The following NIBAN1 variants were observed in gnomAD, a reference collection of about 807,000 sequenced individuals.
The protein encoded by NIBAN1 is protein Niban 1.
NIBAN1 carries 81 observed loss-of-function variants against 75.1 expected under a neutral mutation model. The observed-to-expected ratio is 1.08, with a 90% confidence interval of 0.90 to 1.30. NIBAN1 has a LOEUF of 1.30. Ranked by LOEUF, NIBAN1 falls within the 50% of genes most tolerant of loss-of-function variation. The pLI, the probability that NIBAN1 is intolerant of heterozygous loss-of-function variation, is 0.00. For missense variants in NIBAN1, 1,133 were observed against 1,128.1 expected, an observed-to-expected ratio of 1.00 and a Z score of -0.06; for synonymous variants, 436 against 424.8, an observed-to-expected ratio of 1.03 and a Z score of -0.32.
intron 1 of NIBAN1, among the ~76,000 whole-genome samples, chr1:184,928,991 A>C (rs1657753520): frequency 6.6e-6 from 1 of 152,190 alleles, no homozygotes; most frequent in Non-Finnish European, 1.5e-5. Context: ...GCACACATAC[A>C]AATGAATGTA....
At chr1:184,943,118 C>T (rs1254105497) in intron 1 of NIBAN1, among the ~76,000 whole-genome samples, 1 of 152,162 alleles carries the variant, frequency 6.6e-6, no homozygotes, top group Non-Finnish European at 1.5e-5. Flanking sequence ...ACATAGTAGA[C>T]ATAAAATTCT....
chr1:184,952,908 A>G (rs1043958223), intron 1 of NIBAN1, among the ~76,000 whole-genome samples: 1 of 152,242 alleles, frequency 6.6e-6, no homozygotes, highest in Non-Finnish European at 1.5e-5. Flanking sequence ...TATGCTGTCT[A>G]TTAAGTCTGA....
At chr1:184,903,621 C>G (rs1657009866) in intron 1 of NIBAN1, among the ~76,000 whole-genome samples, 1 of 152,092 alleles carries the variant, frequency 6.6e-6, no homozygotes. Flanking sequence ...CACCTGCTCC[C>G]CCTTTGCCTT....
At chr1:184,897,277 AGTGTGTGTGTGTGTGTGT>A (rs34548568) in intron 2 of NIBAN1, among the ~76,000 whole-genome samples, 2 of 132,584 alleles carry the variant, frequency 1.5e-5, no homozygotes, top group East Asian at 2.2e-4. Flanking sequence ...TGTACTCCTA[AGTGTGTGTGTGTGTGTGT>A]GTGTGTGTGT....
intron 5 of NIBAN1, among the ~76,000 whole-genome samples, chr1:184,842,335 G>A (rs926019301): frequency 2.6e-5 from 4 of 152,128 alleles, no homozygotes; most frequent in Non-Finnish European, 5.9e-5. Flanking sequence ...ATAGGTCTGG[G>A]GCAGGGCCCA....
intron 5 of NIBAN1, among the ~76,000 whole-genome samples, chr1:184,863,990 C>T (rs891448335): frequency 3.9e-5 from 6 of 152,188 alleles, no homozygotes; most frequent in African/African-American, 1.4e-4. Flanking sequence ...TAATTGGTTG[C>T]TAGTATTGTT....
chr1:184,867,195 AACAC>A (rs149204316), intron 5 of NIBAN1, among the ~76,000 whole-genome samples: 11 of 148,040 alleles, frequency 7.4e-5, no homozygotes, highest in Non-Finnish European at 1.1e-4. Flanking sequence ...CCTACACACA[AACAC>A]ACACACACAC....
Position 184,890,241 on chromosome 1 carries a change from A to G in NIBAN1, c.319-19T>C, listed in dbSNP as rs965322117. On this transcript the variant is annotated intron_variant, in intron 3 of 13. Coordinates refer to ENST00000367511, the MANE Select transcript of NIBAN1 (RefSeq NM_052966.4). ...GATAGGCCTGGGGAGGGAAAGGCAC[A>G]CAGGAATGATATCTTTTTCCCCATT... 4 of 1,555,778 alleles carry G rather than the reference A, an allele frequency of 2.6e-6. No homozygotes were observed. In the East Asian group the frequency reaches 9.0e-5, roughly 35 times the overall value.
chr1:184,922,643 T>C (rs1470153007), intron 1 of NIBAN1, among the ~76,000 whole-genome samples: 1 of 152,160 alleles, frequency 6.6e-6, no homozygotes, highest in Non-Finnish European at 1.5e-5. Context: ...GTCTCACTCT[T>C]TCACCCAGGC....
At chr1:184,956,658 A>G (rs112095642) in intron 1 of NIBAN1, among the ~76,000 whole-genome samples, 2 of 152,338 alleles carry the variant, frequency 1.3e-5, no homozygotes, top group African/African-American at 4.8e-5. Context: ...CACAGATTTT[A>G]AAAATATTTT....
intron 6 of NIBAN1, among the ~76,000 whole-genome samples, chr1:184,824,220 G>A (rs150247237): frequency 2.3e-3 from 354 of 152,120 alleles, no homozygotes; most frequent in Non-Finnish European, 4.1e-3. Flanking sequence ...CATGCTCTTC[G>A]TCCCCACTGT....
intron 1 of NIBAN1, among the ~76,000 whole-genome samples, chr1:184,947,937 C>CAAGGT (rs1658271931): frequency 6.6e-6 from 1 of 152,140 alleles, no homozygotes; most frequent in Non-Finnish European, 1.5e-5. Context: ...AAATTCCCTT[C>CAAGGT]CAAAAGAGCA....
At chr1:184,867,253 G>C (rs12120351) in intron 5 of NIBAN1, among the ~76,000 whole-genome samples, 3,199 of 151,770 alleles carry the variant, frequency 0.021, 54 homozygotes, top group Non-Finnish European at 0.034. Context: ...TTCACTTAAC[G>C]AATAGCCTTA....
At chr1:184,875,295 C>T (rs1267601393) in intron 5 of NIBAN1, among the ~76,000 whole-genome samples, 1 of 152,104 alleles carries the variant, frequency 6.6e-6, no homozygotes, top group Non-Finnish European at 1.5e-5. Flanking sequence ...TATTTATTAT[C>T]TCTCATAGTT....
intron 5 of NIBAN1, among the ~76,000 whole-genome samples, chr1:184,839,654 G>A (rs996933514): frequency 1.6e-4 from 24 of 151,576 alleles, no homozygotes; most frequent in Non-Finnish European, 3.2e-4. Flanking sequence ...GGAGTGCAAT[G>A]GCACGATCTT....
At chr1:184,885,649 G>A (rs1240721624) in intron 4 of NIBAN1, among the ~76,000 whole-genome samples, 1 of 152,064 alleles carries the variant, frequency 6.6e-6, no homozygotes, top group Non-Finnish European at 1.5e-5. Context: ...CCTCCTCCCT[G>A]TCACTGCCAA....
chr1:184,967,460 A>G lies in NIBAN1; in HGVS notation c.55+6842T>C, dbSNP rs1362055970. Among the ~76,000 whole-genome samples, 3 of 152,238 alleles carry G rather than the reference A, an allele frequency of 2.0e-5. No individual in the cohort carries two copies. In the East Asian group the frequency reaches 5.8e-4, roughly 29 times the overall value. On this transcript the variant is annotated intron_variant, in intron 1 of 13. Transcript: ENST00000367511. ...AATTAAAATTTCTGATTAGGAGATTAAAGTTCACTGCCATGATTCACACTG... is the reference window on the plus strand; with the variant it reads ...AATTAAAATTTCTGATTAGGAGATTGAAGTTCACTGCCATGATTCACACTG...
chr1:184,878,127 T>C (rs1232202123), intron 5 of NIBAN1, among the ~76,000 whole-genome samples: 3 of 152,174 alleles, frequency 2.0e-5, no homozygotes, highest in Non-Finnish European at 2.9e-5. Flanking sequence ...TATTTAAATG[T>C]AGTTCTTGGC....
intron 1 of NIBAN1, among the ~76,000 whole-genome samples, chr1:184,923,884 T>C (rs1177656958): frequency 1.3e-5 from 2 of 152,162 alleles, no homozygotes; most frequent in African/African-American, 2.4e-5. Flanking sequence ...TGCTGGCATA[T>C]AGAAATGCTA....
Sources: allele counts gnomAD v4.1 joint callset (sites outside exome capture counted in the v4.1 genomes callset), GRCh38; gene constraint gnomAD v4.1.1; transcripts MANE v1.5; gene names NCBI Gene and HGNC (gene_info 2026-07-23, HGNC 2026-07-21).